FCHO2: variants seen among roughly 807,000 people sequenced by gnomAD.
The protein encoded by FCHO2 is FCH and mu domain containing endocytic adaptor 2, also known as F-BAR domain only protein 2.
FCHO2 carries 43 observed loss-of-function variants against 114.1 expected under a neutral mutation model. The observed-to-expected ratio is 0.38, with a 90% CI of 0.30 to 0.49. The LOEUF is 0.49. FCHO2 is among the 20% of genes least tolerant of loss of function. The probability of loss-of-function intolerance (pLI) is 0.97; values close to 1 mark genes in which losing one functional copy is unlikely to be tolerated. For missense variants in FCHO2, 807 were observed against 950.4 expected (o/e 0.85, Z 1.98); for synonymous variants, 293 against 315.2 (o/e 0.93, Z 0.75).
chr5:73,061,383 A>G (rs963412620), intron 17 of FCHO2, among the ~76,000 whole-genome samples: 1 of 152,220 alleles, frequency 6.6e-6, no homozygotes, highest in South Asian at 2.1e-4. Flanking sequence ...TCTAGTTTCA[A>G]ATAATTAAAA....
At chr5:73,061,021 AC>A (rs1757827949) in intron 17 of FCHO2, among the ~76,000 whole-genome samples, 1 of 151,166 alleles carries the variant, frequency 6.6e-6, no homozygotes, top group African/African-American at 2.4e-5. Context: ...AAAAAAAAAA[AC>A]CGCTTAAAAT....
intron 19 of FCHO2, among the ~76,000 whole-genome samples, chr5:73,070,498 T>C (rs1001146397): frequency 1.3e-5 from 2 of 151,848 alleles, no homozygotes; most frequent in Non-Finnish European, 2.9e-5. Flanking sequence ...ATTTTAGTCC[T>C]AAAAAACCTA....
chr5:73,082,643 CTTAGCAATATA>C, intron 23 of FCHO2, 107 bp from the exon 24 acceptor site: 1 of 793,076 alleles, frequency 1.3e-6, no homozygotes, highest in South Asian at 1.7e-5. Flanking sequence ...ACTACTTAAA[CTTAGCAATATA>C]TTTGTTGTAG....
chr5:73,079,319 T>C (rs1019730317), intron 22 of FCHO2, among the ~76,000 whole-genome samples: 1 of 152,204 alleles, frequency 6.6e-6, no homozygotes, highest in Admixed American at 6.5e-5. Flanking sequence ...TGGGAAAGCT[T>C]AGTATAGACA....
chr5:73,048,902 A>C (rs1376204577), intron 11 of FCHO2, among the ~76,000 whole-genome samples: 1 of 108,484 alleles, frequency 9.2e-6, no homozygotes, highest in Admixed American at 1.3e-4. Flanking sequence ...TTTGAGACGG[A>C]GTCTCGCTCT....
intron 5 of FCHO2, chr5:72,997,404 T>G: frequency 6.2e-7 from 1 of 1,600,736 alleles, no homozygotes; most frequent in Non-Finnish European, 8.5e-7. Context: ...ACTTTGGAGT[T>G]GGGCAGCTAC....
chr5:73,018,926 T>C (rs943912076), intron 8 of FCHO2, among the ~76,000 whole-genome samples: 2 of 152,142 alleles, frequency 1.3e-5, no homozygotes, highest in Non-Finnish European at 2.9e-5. Flanking sequence ...AAGCAGTGAA[T>C]CAGAGAAAGT....
chr5:73,025,375 A>ATTTT (rs367615996), intron 8 of FCHO2, among the ~76,000 whole-genome samples: 1 of 100,516 alleles, frequency 9.9e-6, no homozygotes. Flanking sequence ...CACCCAGCTA[A>ATTTT]TTTTTTTTTT....
Position 72,995,380 on chromosome 5 carries a change from C to T in FCHO2, c.495+4516C>T, listed in dbSNP as rs147110691. On this transcript the variant is annotated intron_variant, in intron 5 of 25. Coordinates refer to ENST00000430046, the MANE Select transcript of FCHO2 (RefSeq NM_138782.3). ...AAGCAATTCTGGTGACTCAGCCTCC[C>T]GAGTAGTTGGGATTACAGTCATGTG... Among the ~76,000 whole-genome samples, 652 of 151,896 alleles carry T rather than the reference C, an allele frequency of 4.3e-3. 3 individuals are homozygous for T. The highest frequency in any genetic ancestry group is 0.015 in the African/African-American group (630 of 41,412).
chr5:72,981,942 C>T (rs1753234531), intron 2 of FCHO2, among the ~76,000 whole-genome samples: 1 of 152,166 alleles, frequency 6.6e-6, no homozygotes, highest in Admixed American at 6.5e-5. Flanking sequence ...CTGAAGCCTA[C>T]TTCTGTCAGT....
intron 10 of FCHO2, among the ~76,000 whole-genome samples, chr5:73,038,889 G>C (rs1308176550): frequency 6.6e-6 from 1 of 152,128 alleles, no homozygotes; most frequent in African/African-American, 2.4e-5. Context: ...AATATATCTA[G>C]TTCATCTGTT....
At chr5:73,020,670 C>T (rs1407149014) in intron 8 of FCHO2, 6 of 1,104,120 alleles carry the variant, frequency 5.4e-6, no homozygotes, top group South Asian at 3.7e-5. Flanking sequence ...AATACTAGAC[C>T]GCAAGGAACA....
At chr5:73,070,186 C>T (rs1306130578) in intron 19 of FCHO2, among the ~76,000 whole-genome samples, 1 of 152,002 alleles carries the variant, frequency 6.6e-6, no homozygotes, top group Non-Finnish European at 1.5e-5. Flanking sequence ...TAACCACAGC[C>T]CTAATTAAGC....
chr5:72,960,999 G>A (rs1429463579), intron 1 of FCHO2, among the ~76,000 whole-genome samples: 1 of 152,048 alleles, frequency 6.6e-6, no homozygotes, highest in Non-Finnish European at 1.5e-5. Flanking sequence ...TTTTTATCCT[G>A]AAGTTTTTCC....
At chr5:73,032,937 T>C (rs1756311323) in intron 8 of FCHO2, among the ~76,000 whole-genome samples, 2 of 152,172 alleles carry the variant, frequency 1.3e-5, no homozygotes. Context: ...GTAATTTAGG[T>C]AGAGATTTGT....
intron 8 of FCHO2, among the ~76,000 whole-genome samples, chr5:73,017,895 AC>A (rs1755391202): frequency 6.6e-6 from 1 of 152,164 alleles, no homozygotes; most frequent in African/African-American, 2.4e-5. Context: ...AAAAATGATT[AC>A]AGAAGTTCAA....
chr5:73,080,491 A>G (rs1304100384), intron 22 of FCHO2, among the ~76,000 whole-genome samples: 1 of 152,202 alleles, frequency 6.6e-6, no homozygotes, highest in Non-Finnish European at 1.5e-5. Context: ...CTAAGTACAT[A>G]CACATCAGCA....
At chr5:73,044,603 A>G (rs1756968528) in intron 11 of FCHO2, among the ~76,000 whole-genome samples, 1 of 152,140 alleles carries the variant, frequency 6.6e-6, no homozygotes, top group Non-Finnish European at 1.5e-5. Flanking sequence ...GGTCTATGTA[A>G]TTTAAAAAAT....
At chr5:73,069,722 T>C (rs1345282826) in intron 19 of FCHO2, among the ~76,000 whole-genome samples, 1 of 152,106 alleles carries the variant, frequency 6.6e-6, no homozygotes, top group East Asian at 1.9e-4. Context: ...TGAGGATCCA[T>C]GAAGCATAGC....
Sources: allele counts gnomAD v4.1 joint callset (sites outside exome capture counted in the v4.1 genomes callset), GRCh38; gene constraint gnomAD v4.1.1; transcripts MANE v1.5; gene names NCBI Gene and HGNC (gene_info 2026-07-23, HGNC 2026-07-21).